The following QRICH2 variants were observed in gnomAD, a reference collection of about 807,000 sequenced individuals.
QRICH2 encodes glutamine-rich protein 2.
QRICH2 carries 119 observed loss-of-function variants against 168.3 expected under a neutral mutation model. That is an observed-to-expected ratio of 0.71 (90% CI 0.61 to 0.82). QRICH2 has a LOEUF of 0.82. QRICH2 is among the 40% of genes least tolerant of loss of function. QRICH2 has a pLI of 0.00. For missense variants in QRICH2, 2,241 were observed against 2,491.6 expected (o/e 0.90, Z 2.14); for synonymous variants, 894 against 951.2 (o/e 0.94, Z 1.11).
intron 15 of QRICH2, among the ~76,000 whole-genome samples, chr17:76,277,601 T>A (rs1487552118): frequency 1.3e-5 from 2 of 151,526 alleles, no homozygotes; most frequent in Non-Finnish European, 2.9e-5. Flanking sequence ...CACATACTTA[T>A]GCACATACAC....
chr17:76,280,888 G>A lies in QRICH2; in HGVS notation c.4329C>T (p.Leu1443=), dbSNP rs745460983. 5 of 1,613,418 alleles carry A rather than the reference G, an allele frequency of 3.1e-6. No individual in the cohort carries two copies. The East Asian group carries it at 1.1e-4, about 36-fold the overall frequency. The part of the protein sequence containing the change: ...ILQVQGDCEK[L]NITTSNLIED... Reference sequence around the variant, plus strand: ...CGATGAGGTTGCTGGTGGTGATGTTGAGCTTCTCGCAGTCACCCTGCACCT... The same window carrying A: ...CGATGAGGTTGCTGGTGGTGATGTTAAGCTTCTCGCAGTCACCCTGCACCT... Residue 1443 remains leucine, a synonymous_variant, in exon 9 of 19, where the codon CTC becomes CTT. Transcript: ENST00000680821. The surrounding 1 kb of genome is among the most constrained non-coding windows in gnomAD (Gnocchi z 7.4).
At chr17:76,305,546 G>A (rs1312258630) in intron 1 of QRICH2, among the ~76,000 whole-genome samples, 2 of 152,158 alleles carry the variant, frequency 1.3e-5, no homozygotes, top group Non-Finnish European at 2.9e-5. Context: ...ATGCAGTGGG[G>A]GACCTGGCTG....
Position 76,280,533 on chromosome 17 carries a change from C to G in QRICH2, c.4462-82G>C. ...ATTCCCTGGGGGTGTCGACCCCTATCACCAGGCAGGTTTCTGAGAGCCCAC... is the reference window on the plus strand; with the variant it reads ...ATTCCCTGGGGGTGTCGACCCCTATGACCAGGCAGGTTTCTGAGAGCCCAC... On this transcript the variant is annotated intron_variant, in intron 10 of 18. Transcript: ENST00000680821. This position sits in a 1 kb window ranked among gnomAD's most constrained non-coding sequence, Gnocchi z 7.4. The G allele has an allele frequency of 1.3e-6, 2 of 1,591,902 alleles. No homozygotes were observed. The highest frequency in any genetic ancestry group is 1.7e-6 in the Non-Finnish European group (2 of 1,165,158).
chr17:76,304,820 G>T, intron 2 of QRICH2, 62 bp downstream of exon 2: 2 of 1,174,492 alleles, frequency 1.7e-6, no homozygotes, highest in Non-Finnish European at 2.6e-6. Flanking sequence ...TGGAGAGAGG[G>T]CCACACTGAG....
Position 76,292,051 on chromosome 17 carries a change from G to T in QRICH2, c.2676C>A (p.Ile892=). 1.2e-6 allele frequency: 2 copies of T among 1,613,638 alleles called. No individual in the cohort carries two copies. The highest frequency in any genetic ancestry group is 1.7e-6 in the Non-Finnish European group (2 of 1,179,866). ...VQPGMDQRGL[I]QPGADQPGLV... is the part of the protein sequence containing the mutation. ...AACCAGGCTGATCTGCACCAGGTTGGATCAAACCACGCTGGTCCATTCCAG... is the reference window on the plus strand; with the variant it reads ...AACCAGGCTGATCTGCACCAGGTTGTATCAAACCACGCTGGTCCATTCCAG... The change falls in exon 4 of 19, where the codon ATC becomes ATA. Residue 892 remains isoleucine, a synonymous_variant. Transcript: ENST00000680821.
At chr17:76,274,782 C>G (rs2143093640) in intron 18 of QRICH2, among the ~76,000 whole-genome samples, 1 of 152,318 alleles carries the variant, frequency 6.6e-6, no homozygotes, top group South Asian at 2.1e-4. Flanking sequence ...GCTTTGAACT[C>G]CAGCTCTGCC....
At chr17:76,298,060 T>C (rs959241415) in intron 3 of QRICH2, among the ~76,000 whole-genome samples, 8 of 149,466 alleles carry the variant, frequency 5.4e-5, no homozygotes, top group East Asian at 2.0e-4. Flanking sequence ...TCAGTAAAGA[T>C]GGGGTTTCAC....
In QRICH2 at chr17:76,292,014, C is replaced by T. The variant is rs1247571455; in HGVS notation, c.2713G>A (p.Gly905Ser). The T allele has an allele frequency of 6.2e-7, 1 of 1,614,260 alleles. No individual in the cohort carries two copies. Among genetic ancestry groups the T allele is most frequent in the South Asian group, 1.1e-5 (1 of 91,084 alleles). ...GADQPGLVQP[G>S]AGQLGMVQPG... ...TGCACCATACCCAGCTGACCTGCAC[C>T]AGGCTGGACCAAACCAGGCTGATCT... is the stretch of plus-strand genomic sequence containing the variant. Residue 905 changes from glycine to serine, a missense_variant, in exon 4 of 19, where the codon GGT becomes AGT. Coordinates refer to ENST00000680821, the MANE Select transcript of QRICH2 (RefSeq NM_001388453.1).
chr17:76,303,074 G>A (rs1598504586), intron 3 of QRICH2, among the ~76,000 whole-genome samples: 2 of 152,164 alleles, frequency 1.3e-5, no homozygotes, highest in East Asian at 3.9e-4. Flanking sequence ...GGTAGGGACA[G>A]GGTTTCATCA....
At chr17:76,294,146 C>T (rs2071066203) in intron 3 of QRICH2, 125 bp from the exon 4 acceptor site, 1 of 1,227,506 alleles carries the variant, frequency 8.1e-7, no homozygotes, top group Non-Finnish European at 1.1e-6. Context: ...GCCCTCTGGT[C>T]CTAAAAGCTA....
chr17:76,306,818 CG>C (rs2070997793), intron 1 of QRICH2, among the ~76,000 whole-genome samples: 1 of 151,130 alleles, frequency 6.6e-6, no homozygotes. Context: ...GTCTGGGAGG[CG>C]GAAGTTGCAG....
Position 76,289,882 on chromosome 17 carries a change from G to A in QRICH2, c.3798+110C>T, listed in dbSNP as rs768372464. 7.9e-5 allele frequency: 52 copies of A among 660,328 alleles called. 1 individual carries two copies. The highest frequency in any genetic ancestry group is 4.8e-5 in the Non-Finnish European group (18 of 374,712). 40.9% of individuals were successfully genotyped at this position (660,328 alleles called of 1,614,324 possible). On this transcript the variant is annotated intron_variant, in intron 5 of 18. Coordinates refer to ENST00000680821, the MANE Select transcript of QRICH2 (RefSeq NM_001388453.1). ...CATGAGAATCGCTTGAACCTGGGAG[G>A]TGGAGGTTGAGTGAGCTGAGATGGT...
upstream of QRICH2, among the ~76,000 whole-genome samples, chr17:76,309,185 C>CCGT (rs974957113): frequency 2.4e-4 from 36 of 148,846 alleles, no homozygotes; most frequent in Admixed American, 6.7e-4. Context: ...TAGTGAAACC[C>CCGT]CTCTGCTAAA....
rs1193174269 is a variant in QRICH2, at chr17:76,308,023, G to A, written c.-25C>T. The A allele has an allele frequency of 1.7e-5, 21 of 1,231,648 alleles. No homozygotes were observed. The highest frequency in any genetic ancestry group is 4.2e-5 in the Admixed American group (1 of 23,750). 76.3% of individuals were successfully genotyped at this position (1,231,648 alleles called of 1,614,324 possible). On this transcript the variant is annotated 5_prime_UTR_variant, in exon 1 of 19. Transcript: ENST00000680821. ...TCGTGGCTGTCAGGAGCTGTGCGCC[G>A]CCGCGGGGCGCCGGCCAACCACTTC...
chr17:76,297,840 T>C (rs2070822279), intron 3 of QRICH2, among the ~76,000 whole-genome samples: 1 of 146,336 alleles, frequency 6.8e-6, no homozygotes, highest in Admixed American at 7.0e-5. Flanking sequence ...CCCTTCAGCC[T>C]CCCAAGTAGC....
chr17:76,275,727 C>G, intron 18 of QRICH2, 92 bp downstream of exon 18: 1 of 1,474,218 alleles, frequency 6.8e-7, no homozygotes, highest in Non-Finnish European at 9.1e-7. Flanking sequence ...CCTCCCCTCT[C>G]CGGGGAGATA....
intron 1 of QRICH2, among the ~76,000 whole-genome samples, chr17:76,305,228 A>G (rs2143405984): frequency 7.0e-6 from 1 of 143,316 alleles, no homozygotes; most frequent in East Asian, 2.0e-4. Context: ...CAGTGATGCC[A>G]CCACAGCTCA....
intron 15 of QRICH2, 147 bp downstream of exon 15, chr17:76,277,842 A>G: frequency 1.3e-6 from 1 of 799,064 alleles, no homozygotes; most frequent in Non-Finnish European, 2.0e-6. Context: ...ACACACTAAC[A>G]CCCCTCGCCC....
chr17:76,278,333 G>A, intron 14 of QRICH2, 144 bp from the exon 15 acceptor site: 1 of 735,522 alleles, frequency 1.4e-6, no homozygotes, highest in Admixed American at 2.5e-5. Context: ...CCCCTCAGCA[G>A]TAGTCCTTTC....
Sources: gnomAD v4.1 joint callset for allele counts (sites outside exome capture counted in the v4.1 genomes callset) on GRCh38, gnomAD v4.1.1 for gene constraint, Gnocchi (gnomAD v3.1) non-coding constraint, MANE v1.5 for transcripts, NCBI Gene and HGNC (gene_info 2026-07-23, HGNC 2026-07-21) for gene names.